RNF135: variants seen among roughly 807,000 people sequenced by gnomAD.
The protein encoded by RNF135 is ring finger protein 135, also known as E3 ubiquitin-protein ligase RNF135.
A neutral mutation model predicts 41.9 loss-of-function variants in RNF135; 46 were observed. The ratio of observed to expected loss-of-function variants is 1.10; its 90% CI spans 0.87 to 1.40. The LOEUF (loss-of-function observed/expected upper bound fraction) is 1.40. Ranked by LOEUF, RNF135 falls within the 40% of genes most tolerant of loss-of-function variation. The pLI is 0.00. For missense variants in RNF135, 539 were observed against 549.8 expected (o/e 0.98, Z 0.20); for synonymous variants, 238 against 223.8 (o/e 1.06, Z -0.57).
chr17:30,968,594 T>A (rs1781714377), upstream of RNF135, among the ~76,000 whole-genome samples: 1 of 151,994 alleles, frequency 6.6e-6, no homozygotes, highest in African/African-American at 2.4e-5. Flanking sequence ...TTCACCGTGT[T>A]AGCCAGAATG....
At chr17:30,967,960 C>T (rs1318968546), upstream of RNF135, among the ~76,000 whole-genome samples, 4 of 151,936 alleles carry the variant, frequency 2.6e-5, no homozygotes, top group African/African-American at 9.7e-5. Context: ...CCACCGCACT[C>T]GGCCAAGAAT....
upstream of RNF135, among the ~76,000 whole-genome samples, chr17:30,968,367 C>T (rs1322311414): frequency 1.3e-5 from 2 of 150,750 alleles, no homozygotes; most frequent in African/African-American, 4.9e-5. Flanking sequence ...CACTCTCCCC[C>T]TTCCCCCTTT....
the RNF135 span, among the ~76,000 whole-genome samples, chr17:30,962,442 T>G: frequency 2.5e-4 from 38 of 151,492 alleles, no homozygotes. Flanking sequence ...TATGCTGCAC[T>G]TCTTTTGCTG....
chr17:30,991,149 G>A (rs1028555627), intron 3 of RNF135, among the ~76,000 whole-genome samples: 13 of 152,032 alleles, frequency 8.6e-5, no homozygotes, highest in African/African-American at 3.1e-4. Flanking sequence ...TGCCAACTGA[G>A]TATGTTGTCA....
chr17:30,979,129 T>A (rs1160299271), intron 1 of RNF135: 10 of 169,688 alleles, frequency 5.9e-5, no homozygotes, highest in Non-Finnish European at 1.2e-4. Flanking sequence ...TGGGCACACC[T>A]CCCAGACGGG....
chr17:30,973,456 A>G (rs979809259), intron 1 of RNF135: 2 of 146,078 alleles, frequency 1.4e-5, no homozygotes, highest in Admixed American at 1.3e-4. Context: ...ATTTACCCCT[A>G]TGTTTTCTTC....
rs954731561 is a variant in RNF135, at chr17:30,971,062, C to A, written c.-12C>A. On this transcript the variant is annotated 5_prime_UTR_variant, in exon 1 of 5. Transcript: ENST00000328381. Reference sequence around the variant, plus strand: ...TCAACCCCGACGTCCGCGCCCCGGCCGCCTGTTGGCCATGGCGGGCCTGGG... The same window carrying A: ...TCAACCCCGACGTCCGCGCCCCGGCAGCCTGTTGGCCATGGCGGGCCTGGG... 4 of 1,534,020 alleles carry A rather than the reference C, an allele frequency of 2.6e-6. No homozygotes were observed. The highest frequency in any genetic ancestry group is 3.5e-6 in the Non-Finnish European group (4 of 1,145,960).
At position 30,971,398 on chromosome 17, in the gene RNF135, C is replaced by T. The variant is rs543580882; in HGVS notation, c.325C>T (p.Leu109Phe). Reference protein sequence around the residue: ...AHCPCPGSSSLSSAAARPRRR... With the variant: ...AHCPCPGSSSFSSAAARPRRR... ...CTGCCCCTGCCCGGGCTCCAGTTCC[C>T]TCTCCAGCGCGGCCGCGAGGCCCCG... Residue 109 changes from leucine to phenylalanine, a missense_variant, in exon 1 of 5, where the codon CTC becomes TTC. Leu to Phe is a conservative substitution (Grantham distance 22). Around this residue, in one of 2 missense-constraint regions of RNF135, gnomAD observed 277 missense variants for 212.8 expected, o/e 1.30. Transcript: ENST00000328381. 5.4e-5 allele frequency: 82 copies of T among 1,520,414 alleles called. No individual in the cohort carries two copies. Among genetic ancestry groups the T allele is most frequent in the African/African-American group, 8.6e-5 (6 of 69,726 alleles). The allele number at this position is 1,520,414 out of a possible 1,614,324, so 94.2% of individuals were successfully genotyped here. A position where few individuals can be genotyped will look rare whatever the true frequency, so the allele number is the denominator to read the frequency against.
In RNF135 at chr17:30,983,353, A is replaced by ATATATATATT. The variant is rs1420453160; in HGVS notation, c.373-1263_373-1262insATATATATTT. Reference sequence around the variant, plus strand: ...TATATATATATATATATATATATATATTTTTTTTTTTTTTTTTTGAGATGG... The same window carrying ATATATATATT: ...TATATATATATATATATATATATATATATATATATTTTTTTTTTTTTTTTTTTTGAGATGG... On this transcript the variant is annotated intron_variant, in intron 1 of 4. Coordinates refer to ENST00000328381, the MANE Select transcript of RNF135 (RefSeq NM_032322.4). Among the ~76,000 whole-genome samples the ATATATATATT allele has an allele frequency of 2.1e-3, 76 of 35,714 alleles. 2 individuals are homozygous for ATATATATATT. The highest frequency in any genetic ancestry group is 4.3e-3 in the Admixed American group (9 of 2,070). 23.4% of individuals were successfully genotyped at this position (35,714 alleles called of 152,430 possible). A position where few individuals can be genotyped will look rare whatever the true frequency, so the allele number is the denominator to read the frequency against.
At chr17:30,973,254 A>G (rs1432952707) in intron 1 of RNF135, 2 of 152,134 alleles carry the variant, frequency 1.3e-5, no homozygotes, top group Non-Finnish European at 2.9e-5. Flanking sequence ...TATATTCTGG[A>G]TATCAAATTA....
chr17:30,992,245 T>G (rs947594122), intron 3 of RNF135, among the ~76,000 whole-genome samples: 1 of 152,114 alleles, frequency 6.6e-6, no homozygotes, highest in Non-Finnish European at 1.5e-5. Flanking sequence ...TTACATAATT[T>G]TTTATAGAGA....
At chr17:30,970,924 G>C, upstream of RNF135, 1 of 1,110,316 alleles carries the variant, frequency 9.0e-7, no homozygotes, top group Non-Finnish European at 1.3e-6. Flanking sequence ...CAGCAGGATC[G>C]GAGGAAGGAG....
At chr17:30,971,916 AG>A (rs758580185) in intron 1 of RNF135, 37 of 172,686 alleles carry the variant, frequency 2.1e-4, no homozygotes, top group Non-Finnish European at 4.0e-4. Context: ...TTCAGGCTCG[AG>A]AGTAGCTGGG....
At chr17:30,992,121 AG>A (rs1908031371) in intron 3 of RNF135, among the ~76,000 whole-genome samples, 1 of 150,782 alleles carries the variant, frequency 6.6e-6, no homozygotes, top group Non-Finnish European at 1.5e-5. Flanking sequence ...TAGCAGAGAC[AG>A]GGTTTCCCCA....
At chr17:30,969,478 C>T (rs575917884), upstream of RNF135, 1 of 152,174 alleles carries the variant, frequency 6.6e-6, no homozygotes, top group Admixed American at 6.5e-5. Context: ...CTCATCTTAG[C>T]CACTCAGTGA....
At chr17:30,988,512 C>G (rs1011421355) in intron 3 of RNF135, among the ~76,000 whole-genome samples, 1 of 136,082 alleles carries the variant, frequency 7.3e-6, no homozygotes, top group East Asian at 2.3e-4. Flanking sequence ...ACTGCAAGCT[C>G]TGCCTCCTGG....
upstream of RNF135, among the ~76,000 whole-genome samples, chr17:30,967,847 G>A (rs776929870): frequency 4.0e-5 from 6 of 151,852 alleles, no homozygotes; most frequent in Non-Finnish European, 8.8e-5. Flanking sequence ...GATTACAGGT[G>A]CCTGCAACTA....
chr17:30,964,806 C>T, the RNF135 span: 1 of 151,980 alleles, frequency 6.6e-6, no homozygotes, highest in South Asian at 2.1e-4. Context: ...TCCTCAGCCT[C>T]CCAAGTAGCT....
intron 1 of RNF135, among the ~76,000 whole-genome samples, chr17:30,979,852 G>A (rs1411030981): frequency 6.2e-5 from 7 of 113,404 alleles, no homozygotes; most frequent in African/African-American, 1.3e-4. Flanking sequence ...CTGGCCAGGC[G>A]GGGGGGCTGA....
Sources: allele counts gnomAD v4.1 joint callset (sites outside exome capture counted in the v4.1 genomes callset), GRCh38; gene constraint gnomAD v4.1.1; regional missense constraint gnomAD v4.1.1; transcripts MANE v1.5; gene names NCBI Gene and HGNC (gene_info 2026-07-23, HGNC 2026-07-21).